The following PIAS2 variants were observed in gnomAD, a reference collection of about 807,000 sequenced individuals.
PIAS2 encodes the protein E3 SUMO-protein ligase PIAS2.
A neutral mutation model predicts 69.7 loss-of-function variants in PIAS2; 19 were observed. That is an observed-to-expected ratio of 0.27 (90% CI 0.19 to 0.40). The LOEUF is 0.40. Among genes scored for constraint, PIAS2 ranks in the 10% least tolerant of loss-of-function variants. The probability of loss-of-function intolerance (pLI) is 1.00; values close to 1 mark genes in which losing one functional copy is unlikely to be tolerated. For synonymous variants in PIAS2, 261 were observed against 263.2 expected, an observed-to-expected ratio of 0.99 and a Z score of 0.08; for missense variants, 624 against 757.0, an observed-to-expected ratio of 0.82 and a Z score of 2.06.
intron 10 of PIAS2, among the ~76,000 whole-genome samples, chr18:46,829,533 A>C (rs2043290201): frequency 6.6e-6 from 1 of 152,216 alleles, no homozygotes; most frequent in Non-Finnish European, 1.5e-5. Flanking sequence ...GGAAAAATAT[A>C]CTATGAAATA....
intron 2 of PIAS2, among the ~76,000 whole-genome samples, chr18:46,876,579 A>C (rs558906657): frequency 6.6e-6 from 1 of 152,288 alleles, no homozygotes; most frequent in East Asian, 1.9e-4. Context: ...TCAATGTTGT[A>C]CTTTTATACC....
chr18:46,910,390 A>G (rs2057127169), intron 1 of PIAS2, among the ~76,000 whole-genome samples: 1 of 152,172 alleles, frequency 6.6e-6, no homozygotes, highest in African/African-American at 2.4e-5. Context: ...CTTACCTGTT[A>G]TAATCTTTTG....
chr18:46,898,743 C>T (rs1014181076), intron 1 of PIAS2, among the ~76,000 whole-genome samples: 2 of 152,094 alleles, frequency 1.3e-5, no homozygotes, highest in East Asian at 3.9e-4. Context: ...CCTCTAATCT[C>T]AACACTTTGG....
In PIAS2 at chr18:46,886,775, C is replaced by T. The variant is rs560176733; in HGVS notation, c.499+3805G>A. 3.3e-5 allele frequency among the ~76,000 whole-genome samples: 5 copies of T among 152,128 alleles called. No individual in the cohort carries two copies. In the East Asian group the frequency reaches 9.7e-4, roughly 29 times the overall value. On this transcript the variant is annotated intron_variant, in intron 2 of 13. Coordinates refer to ENST00000585916, the MANE Select transcript of PIAS2 (RefSeq NM_004671.5). ...CTGCTTGAACCCGGGGAAGTGGAGG[C>T]CGCAGTGAGCCGAGACAGCGCCACC...
intron 5 of PIAS2, among the ~76,000 whole-genome samples, chr18:46,848,985 C>T (rs541909846): frequency 2.4e-4 from 37 of 152,182 alleles, no homozygotes; most frequent in African/African-American, 8.7e-4. Context: ...TTTGTTTTGC[C>T]TGTTTTGGGC....
rs1307228058 is a variant in PIAS2 at position 46,806,017 on chromosome 18, G to A, written c.*6416C>T. 1.3e-5 allele frequency: 2 copies of A among 152,104 alleles called. No individual in the cohort carries two copies. The highest frequency in any genetic ancestry group is 2.9e-5 in the Non-Finnish European group (2 of 68,022). 9.4% of individuals were successfully genotyped at this position (152,104 alleles called of 1,614,324 possible). A position where few individuals can be genotyped will look rare whatever the true frequency, so the allele number is the denominator to read the frequency against. ...CACTCAACCCTTACTCCTATATTCA[G>A]TCACTGAATCTTGAGTCTTCCTTTG... is the stretch of plus-strand genomic sequence containing the variant. On this transcript the variant is annotated 3_prime_UTR_variant, in exon 14 of 14. Transcript: ENST00000585916.
intron 9 of PIAS2, among the ~76,000 whole-genome samples, chr18:46,830,679 C>T (rs1000260274): frequency 3.3e-5 from 5 of 152,190 alleles, no homozygotes; most frequent in Admixed American, 6.5e-5. Context: ...CTTATTTACA[C>T]TCACTCCAAA....
chr18:46,844,864 C>A, intron 6 of PIAS2, 25 bp from the exon 7 acceptor site: 1 of 940,410 alleles, frequency 1.1e-6, no homozygotes, highest in Non-Finnish European at 1.6e-6. Context: ...AAAAAACCTG[C>A]ATTAAAGATG....
chr18:46,830,717 G>C (rs2043487975), intron 9 of PIAS2, among the ~76,000 whole-genome samples: 1 of 152,144 alleles, frequency 6.6e-6, no homozygotes, highest in Non-Finnish European at 1.5e-5. Flanking sequence ...GAAGCCCTAT[G>C]TCTATTAAAT....
chr18:46,832,763 G>A (rs1599497257), intron 9 of PIAS2, among the ~76,000 whole-genome samples: 1 of 151,286 alleles, frequency 6.6e-6, no homozygotes, highest in Non-Finnish European at 1.5e-5. Context: ...GTGGTGGTGG[G>A]TGCCTGTAAT....
chr18:46,850,437 T>C (rs1019480321), intron 5 of PIAS2, among the ~76,000 whole-genome samples: 1 of 152,158 alleles, frequency 6.6e-6, no homozygotes, highest in African/African-American at 2.4e-5. Flanking sequence ...ACTTTTGACC[T>C]GAAGAATGAC....
intron 1 of PIAS2, chr18:46,915,131 T>C (rs2057675105): frequency 6.6e-6 from 1 of 152,080 alleles, no homozygotes; most frequent in African/African-American, 2.4e-5. Context: ...CTCTAAAAGC[T>C]ACATGTCTAA....
At chr18:46,885,390 G>A (rs1023670398) in intron 2 of PIAS2, among the ~76,000 whole-genome samples, 4 of 151,782 alleles carry the variant, frequency 2.6e-5, no homozygotes, top group South Asian at 2.1e-4. Context: ...CGTGGTGGCG[G>A]GTGCCTGTAA....
Position 46,890,563 on chromosome 18 carries a change from A to T in PIAS2, c.499+17T>A. On this transcript the variant is annotated intron_variant, in intron 2 of 13. Transcript: ENST00000585916. ...TTACTATCTTGTTCAGAAGAAACTGAATTCTCAAACACTTACCTAAACTCG... is the reference window on the plus strand; with the variant it reads ...TTACTATCTTGTTCAGAAGAAACTGTATTCTCAAACACTTACCTAAACTCG... 1 of 1,492,244 alleles carries T rather than the reference A, an allele frequency of 6.7e-7. No individual in the cohort carries two copies. 92.4% of individuals were successfully genotyped at this position (1,492,244 alleles called of 1,614,324 possible).
At chr18:46,917,116 C>G (rs1282817116) in intron 1 of PIAS2, 1 of 993,176 alleles carries the variant, frequency 1.0e-6, no homozygotes, top group Non-Finnish European at 1.2e-6. Flanking sequence ...GCGGCCCAGG[C>G]CCGCCGCCCC....
chr18:46,819,995 T>C (rs1187946041), intron 12 of PIAS2, among the ~76,000 whole-genome samples: 2 of 152,142 alleles, frequency 1.3e-5, no homozygotes, highest in African/African-American at 2.4e-5. Context: ...AGTCAGAAAA[T>C]ATCACATGGA....
chr18:46,850,406 T>C (rs11877429), intron 5 of PIAS2, among the ~76,000 whole-genome samples: 6,228 of 152,240 alleles, frequency 0.041, 171 homozygotes, highest in Non-Finnish European at 0.064. Context: ...CCAATGCTGT[T>C]GTTCTACTGG....
At chr18:46,820,010 T>G (rs1219130428) in intron 12 of PIAS2, among the ~76,000 whole-genome samples, 1 of 152,140 alleles carries the variant, frequency 6.6e-6, no homozygotes, top group African/African-American at 2.4e-5. Context: ...CATGGAAAAT[T>G]CCAGAAATAA....
In PIAS2 at chr18:46,844,083, T is replaced by G; in HGVS notation, c.1012A>C (p.Thr338Pro). 6.5e-7 allele frequency: 1 copy of G among 1,542,018 alleles called. No homozygotes were observed. The highest frequency in any genetic ancestry group is 8.7e-7 in the Non-Finnish European group (1 of 1,146,024). ...TADPDSEIAT[T>P]SLRVSLMCPL... ...CACATCAAGGATACCCGAAGGCTAG[T>G]TGTAGCAATTTCACTATCAGGATCT... The change falls in exon 8 of 14, where the codon ACT becomes CCT. Residue 338 changes from threonine (T) to proline (P), a missense_variant. By Grantham distance (38) the Thr-to-Pro change is conservative (BLOSUM62 -1). Transcript: ENST00000585916.
Sources: gnomAD v4.1 joint callset for allele counts (sites outside exome capture counted in the v4.1 genomes callset) on GRCh38, gnomAD v4.1.1 for gene constraint, MANE v1.5 for transcripts, NCBI Gene and HGNC (gene_info 2026-07-23, HGNC 2026-07-21) for gene names.